Variants in AFAP1L1 observed in about 807,000 individuals in gnomAD.
The protein encoded by AFAP1L1 is actin filament-associated protein 1-like 1.
A neutral mutation model predicts 99.8 loss-of-function variants in AFAP1L1; 77 were observed. The ratio of observed to expected loss-of-function variants is 0.77; its 90% CI spans 0.64 to 0.93. AFAP1L1 has a LOEUF of 0.93. Ranked by LOEUF, AFAP1L1 falls within the 40% of genes least tolerant of loss-of-function variation. The pLI, the probability that AFAP1L1 is intolerant of heterozygous loss-of-function variation, is 0.00. For missense variants in AFAP1L1, 893 were observed against 996.8 expected (o/e 0.90, Z 1.40); for synonymous variants, 373 against 395.3 (o/e 0.94, Z 0.67).
At chr5:149,296,460 G>T (rs1167335769) in intron 1 of AFAP1L1, among the ~76,000 whole-genome samples, 1 of 152,228 alleles carries the variant, frequency 6.6e-6, no homozygotes, top group Admixed American at 6.5e-5. Flanking sequence ...GGTATCATGT[G>T]CTTTTGAATG....
chr5:149,332,941 C>T (rs1757299711), intron 17 of AFAP1L1, 68 bp downstream of exon 17: 1 of 1,443,212 alleles, frequency 6.9e-7, no homozygotes, highest in African/African-American at 1.4e-5. Flanking sequence ...CAGATCTCTT[C>T]TTCATGATCA....
intron 1 of AFAP1L1, among the ~76,000 whole-genome samples, chr5:149,281,927 A>G (rs901612793): frequency 6.6e-6 from 1 of 152,176 alleles, no homozygotes; most frequent in Non-Finnish European, 1.5e-5. Context: ...GGCAGCCTGC[A>G]TGAGGTTTTA....
chr5:149,320,348 C>T lies in AFAP1L1; in HGVS notation c.1626-43C>T. ...CACGAAAGCACTGTAAGCTGCAAAG[C>T]ATCATTGTCATTGTCATTGTCATCG... On this transcript the variant is annotated intron_variant, in intron 13 of 18. Coordinates refer to ENST00000296721, the MANE Select transcript of AFAP1L1 (RefSeq NM_152406.4). This position sits in a 1 kb window ranked among gnomAD's most constrained non-coding sequence, Gnocchi z 4.0. 1 of 1,585,654 alleles carries T rather than the reference C, an allele frequency of 6.3e-7. No individual in the cohort carries two copies.
At chr5:149,323,870 G>A (rs1310034887) in intron 15 of AFAP1L1, among the ~76,000 whole-genome samples, 1 of 152,180 alleles carries the variant, frequency 6.6e-6, no homozygotes, top group African/African-American at 2.4e-5. Context: ...ACTGAAAAAA[G>A]CATGTAAGAT....
At chr5:149,275,624 G>A (rs1340813950) in intron 1 of AFAP1L1, among the ~76,000 whole-genome samples, 1 of 152,062 alleles carries the variant, frequency 6.6e-6, no homozygotes, top group Non-Finnish European at 1.5e-5. Context: ...TCCTGCCTCA[G>A]CCTCCCGAGT....
chr5:149,312,804 AAGAG>A (rs1336702206), intron 9 of AFAP1L1, among the ~76,000 whole-genome samples: 3 of 150,758 alleles, frequency 2.0e-5, no homozygotes, highest in Admixed American at 6.6e-5. Flanking sequence ...AAAGAAAGAA[AAGAG>A]AGAGAGAGAA....
At chr5:149,278,621 A>G (rs1453814945) in intron 1 of AFAP1L1, among the ~76,000 whole-genome samples, 2 of 152,172 alleles carry the variant, frequency 1.3e-5, no homozygotes, top group African/African-American at 4.8e-5. Context: ...CTCCCACACT[A>G]AGACAAGTTA....
At chr5:149,299,876 C>A (rs1365813970) in intron 2 of AFAP1L1, among the ~76,000 whole-genome samples, 1 of 151,954 alleles carries the variant, frequency 6.6e-6, no homozygotes, top group Non-Finnish European at 1.5e-5. Context: ...GCTCTTTGTA[C>A]TCCTTCACCC....
At chr5:149,317,612 GA>G (rs1756831816) in intron 11 of AFAP1L1, 116 bp from the exon 12 acceptor site, 1 of 1,047,260 alleles carries the variant, frequency 9.5e-7, no homozygotes, top group South Asian at 1.6e-5. Flanking sequence ...GGTCACAGGG[GA>G]AAGAGAGCTG....
intron 9 of AFAP1L1, among the ~76,000 whole-genome samples, chr5:149,315,032 A>ATGTG (rs1756754675): frequency 6.6e-6 from 1 of 152,232 alleles, no homozygotes; most frequent in Non-Finnish European, 1.5e-5. Flanking sequence ...GGGAGACAGA[A>ATGTG]GGACTTTCCC....
chr5:149,332,801 G>A lies in AFAP1L1; in HGVS notation c.2082G>A (p.Lys694=), dbSNP rs1177441838. The part of the protein sequence containing the change: ...IDLELKLVAV[K]ERLQQSLAGG... ...TGGAGCTGAAGCTGGTGGCTGTGAA[G>A]GAGCGCTTGCAGCAGTCCCTGGCAG... The change falls in exon 17 of 19, where the codon AAG becomes AAA. Residue 694 remains lysine, a synonymous_variant. Coordinates refer to ENST00000296721, the MANE Select transcript of AFAP1L1 (RefSeq NM_152406.4). 1.2e-6 allele frequency: 2 copies of A among 1,613,164 alleles called. No individual in the cohort carries two copies. The highest frequency in any genetic ancestry group is 8.5e-7 in the Non-Finnish European group (1 of 1,179,942).
At chr5:149,307,290 A>T in intron 6 of AFAP1L1, 112 bp from the exon 7 acceptor site, 1 of 1,126,338 alleles carries the variant, frequency 8.9e-7, no homozygotes, top group East Asian at 2.4e-5. Flanking sequence ...TGTCATGCCT[A>T]ATGCCCATGC....
intron 1 of AFAP1L1, among the ~76,000 whole-genome samples, chr5:149,277,082 T>A (rs1382432931): frequency 3.3e-5 from 5 of 152,236 alleles, no homozygotes; most frequent in African/African-American, 1.2e-4. Flanking sequence ...TCTGATTTTT[T>A]AAAATTTGCC....
chr5:149,284,813 G>A (rs1755626405), intron 1 of AFAP1L1, among the ~76,000 whole-genome samples: 1 of 152,166 alleles, frequency 6.6e-6, no homozygotes, highest in Admixed American at 6.5e-5. Context: ...GAATGGAAAG[G>A]GAGAGATTGG....
At chr5:149,276,990 G>A (rs532611112) in intron 1 of AFAP1L1, among the ~76,000 whole-genome samples, 1 of 152,300 alleles carries the variant, frequency 6.6e-6, no homozygotes, top group East Asian at 1.9e-4. Context: ...ACTGACTGTG[G>A]CTATGTCATC....
rs1433506314 is a variant in AFAP1L1, at chr5:149,335,633, C to T, written c.2194C>T (p.Pro732Ser). The change falls in exon 18 of 19, where the codon CCT becomes TCT. Residue 732 changes from proline (P) to serine (S), a missense_variant. Coordinates refer to ENST00000296721, the MANE Select transcript of AFAP1L1 (RefSeq NM_152406.4). Reference protein sequence around the residue: ...NKPQNSVPEQPLPVNCVSELR... With the variant: ...NKPQNSVPEQSLPVNCVSELR... The stretch of plus-strand genomic sequence containing the variant: ...ACCCCAGAACAGCGTTCCAGAGCAA[C>T]CTCTCCCTGTCAACTGTGTTTCTGA... The T allele has an allele frequency of 1.3e-5, 21 of 1,613,038 alleles. No homozygotes were observed. The highest frequency in any genetic ancestry group is 1.8e-5 in the Non-Finnish European group (21 of 1,180,030).
chr5:149,299,249 G>C (rs1367306754), intron 1 of AFAP1L1, among the ~76,000 whole-genome samples: 2 of 152,184 alleles, frequency 1.3e-5, no homozygotes, highest in African/African-American at 2.4e-5. Flanking sequence ...GATGAGCCCA[G>C]GGAGGTCCAG....
chr5:149,326,979 G>A (rs1299153183), intron 15 of AFAP1L1, among the ~76,000 whole-genome samples: 3 of 152,164 alleles, frequency 2.0e-5, no homozygotes, highest in African/African-American at 7.2e-5. Context: ...CAACCCGGTT[G>A]GGGGGATGCA....
chr5:149,277,596 A>G (rs532694243), intron 1 of AFAP1L1, among the ~76,000 whole-genome samples: 1 of 152,214 alleles, frequency 6.6e-6, no homozygotes, highest in East Asian at 1.9e-4. Context: ...TTTGAAAGGA[A>G]CCCTTATCCA....
Sources: gnomAD v4.1 joint callset for allele counts (sites outside exome capture counted in the v4.1 genomes callset) on GRCh38, gnomAD v4.1.1 for gene constraint, Gnocchi (gnomAD v3.1) non-coding constraint, MANE v1.5 for transcripts, NCBI Gene and HGNC (gene_info 2026-07-23, HGNC 2026-07-21) for gene names.